SLC15A2: variants seen among roughly 807,000 people sequenced by gnomAD.
SLC15A2 encodes the protein solute carrier family 15 member 2, also known as kidney H(+)/peptide cotransporter.
In SLC15A2, 77 loss-of-function variants were observed where a neutral mutation model predicts 95.5. The observed-to-expected ratio is 0.81, with a 90% CI of 0.67 to 0.97. SLC15A2 has a LOEUF of 0.97. Ranked by LOEUF, SLC15A2 falls within the 50% of genes least tolerant of loss-of-function variation. The pLI is 0.00. For missense variants in SLC15A2, 893 were observed against 874.4 expected, an observed-to-expected ratio of 1.02 and a Z score of -0.27; for synonymous variants, 306 against 306.9, an observed-to-expected ratio of 1.00 and a Z score of 0.03.
intron 20 of SLC15A2, 88 bp downstream of exon 20, chr3:121,939,583 T>A: frequency 8.3e-7 from 1 of 1,199,846 alleles, no homozygotes; most frequent in Non-Finnish European, 1.1e-6. Flanking sequence ...AATAGGTATG[T>A]TATCTCTTTT....
chr3:121,931,055 G>T, intron 18 of SLC15A2, 105 bp downstream of exon 18: 1 of 688,982 alleles, frequency 1.5e-6, no homozygotes, highest in Non-Finnish European at 2.6e-6. Flanking sequence ...GTCTAATTTT[G>T]AGTATAGACG....
intron 3 of SLC15A2, among the ~76,000 whole-genome samples, chr3:121,910,635 C>T (rs975539203): frequency 6.6e-6 from 1 of 152,278 alleles, no homozygotes; most frequent in African/African-American, 2.4e-5. Flanking sequence ...TATCTTTATT[C>T]CATTCTATTC....
At position 121,931,627 on chromosome 3, in the gene SLC15A2, A is replaced by G. The variant is rs1710234339; in HGVS notation, c.1665-12A>G. The G allele has an allele frequency of 1.3e-6, 2 of 1,576,764 alleles. No homozygotes were observed. The highest frequency in any genetic ancestry group is 1.7e-6 in the Non-Finnish European group (2 of 1,146,292). ...TTGATATTTATTCTAACCTAAATTCATCCTGTTCCAGATACCCTGCAGTGC... is the reference window on the plus strand; with the variant it reads ...TTGATATTTATTCTAACCTAAATTCGTCCTGTTCCAGATACCCTGCAGTGC... On this transcript the variant is annotated splice_polypyrimidine_tract_variant and intron_variant, in intron 18 of 21. Transcript: ENST00000489711.
intron 7 of SLC15A2, among the ~76,000 whole-genome samples, chr3:121,920,069 T>C (rs1311139701): frequency 2.2e-4 from 33 of 152,194 alleles, no homozygotes. Flanking sequence ...AAGGAGTAGA[T>C]AGTAGAGAAA....
At chr3:121,930,776 C>A (rs1220917077) in intron 17 of SLC15A2, 64 bp from the exon 18 acceptor site, 5 of 1,034,580 alleles carry the variant, frequency 4.8e-6, no homozygotes, top group South Asian at 1.4e-5. Flanking sequence ...ACATAAAAGG[C>A]CCCTAACCTC....
chr3:121,921,782 G>A (rs1710010058), intron 7 of SLC15A2, among the ~76,000 whole-genome samples: 1 of 152,146 alleles, frequency 6.6e-6, no homozygotes, highest in Non-Finnish European at 1.5e-5. Context: ...AACAAGAGTG[G>A]TAGCAGTAGT....
Position 121,942,774 on chromosome 3 carries a change from T to C in SLC15A2, c.*1767T>C, listed in dbSNP as rs1710485132. 1 of 152,228 alleles carries C rather than the reference T, an allele frequency of 6.6e-6. No homozygotes were observed. Among genetic ancestry groups the C allele is most frequent in the African/African-American group, 2.4e-5 (1 of 41,468 alleles). The allele number at this position is 152,228 out of a possible 1,614,324, so 9.4% of individuals were successfully genotyped here. A position where few individuals can be genotyped will look rare whatever the true frequency, so the allele number is the denominator to read the frequency against. On this transcript the variant is annotated 3_prime_UTR_variant, in exon 22 of 22. Transcript: ENST00000489711. Reference sequence around the variant, plus strand: ...AGTTTGGGAAATGTGGCATACTGTATCCTTTTCTTAACATTTGCATATTAA... The same window carrying C: ...AGTTTGGGAAATGTGGCATACTGTACCCTTTTCTTAACATTTGCATATTAA...
chr3:121,909,290 T>C (rs905339618), intron 3 of SLC15A2, among the ~76,000 whole-genome samples: 2 of 152,138 alleles, frequency 1.3e-5, no homozygotes, highest in East Asian at 3.9e-4. Flanking sequence ...CTTGAACTCC[T>C]GACCTCAAGT....
At chr3:121,922,713 T>C (rs1302286734) in intron 8 of SLC15A2, 62 bp from the exon 9 acceptor site, 17 of 1,223,654 alleles carry the variant, frequency 1.4e-5, no homozygotes, top group Non-Finnish European at 1.9e-5. Context: ...GTATAATAAG[T>C]TGGAAAAGGC....
chr3:121,927,565 C>T (rs929667028), intron 13 of SLC15A2, 193 bp from the exon 14 acceptor site: 1 of 512,384 alleles, frequency 2.0e-6, no homozygotes, highest in Non-Finnish European at 3.5e-6. Context: ...GATGCCAGCA[C>T]TGTGCTTCCT....
chr3:121,925,720 G>A, intron 13 of SLC15A2, among the ~76,000 whole-genome samples: 1 of 93,662 alleles, frequency 1.1e-5, no homozygotes, highest in Admixed American at 1.4e-4. Flanking sequence ...TAGTAAAGGG[G>A]CTAGACTATA....
In SLC15A2 at chr3:121,929,083, G is replaced by C. The variant is rs34589463; in HGVS notation, c.1443G>C (p.Val481=). The C allele has an allele frequency of 3.3e-5, 53 of 1,614,002 alleles. No individual in the cohort carries two copies. Among genetic ancestry groups the C allele is most frequent in the Non-Finnish European group, 4.4e-5 (52 of 1,179,982 alleles). The part of the protein sequence containing the change: ...HNLSLYTEHS[V]QEKNWYSLVI... The stretch of plus-strand genomic sequence containing the variant: ...TGTCTCTCTACACTGAGCATTCTGT[G>C]CAGGAGAAGAACTGGTACAGTCTTG... The change falls in exon 16 of 22, where the codon GTG becomes GTC. Residue 481 remains valine (V), a synonymous_variant. Transcript: ENST00000489711.
intron 5 of SLC15A2, 73 bp downstream of exon 5, chr3:121,913,193 T>C: frequency 8.8e-7 from 1 of 1,139,160 alleles, no homozygotes; most frequent in Non-Finnish European, 1.3e-6. Flanking sequence ...CAGGTAGCCA[T>C]TTGCCAAGAT....
intron 7 of SLC15A2, among the ~76,000 whole-genome samples, chr3:121,919,244 C>T (rs1709958388): frequency 6.6e-6 from 1 of 152,146 alleles, no homozygotes; most frequent in South Asian, 2.1e-4. Context: ...TTCCCGCTGC[C>T]CATAGCTTGG....
chr3:121,913,960 A>ACT (rs139759630), intron 5 of SLC15A2, among the ~76,000 whole-genome samples: 24 of 105,720 alleles, frequency 2.3e-4, no homozygotes, highest in Non-Finnish European at 4.4e-4. Flanking sequence ...ACCTCCCGCC[A>ACT]CTCTCTCTCT....
At chr3:121,921,557 G>A (rs1413659186) in intron 7 of SLC15A2, among the ~76,000 whole-genome samples, 1 of 152,138 alleles carries the variant, frequency 6.6e-6, no homozygotes, top group Non-Finnish European at 1.5e-5. Context: ...CAAGTTACAT[G>A]TGATAAACCT....
chr3:121,922,687 T>C (rs147706014), intron 8 of SLC15A2, 88 bp from the exon 9 acceptor site: 9 of 805,178 alleles, frequency 1.1e-5, no homozygotes, highest in Middle Eastern at 2.3e-4. Flanking sequence ...ACTAGAAGTA[T>C]GGTGTTTGAA....
intron 7 of SLC15A2, among the ~76,000 whole-genome samples, chr3:121,918,570 A>C (rs1709941005): frequency 6.6e-6 from 1 of 152,126 alleles, no homozygotes; most frequent in South Asian, 2.1e-4. Flanking sequence ...GGTTAAAAAA[A>C]AAAGTGGGGT....
At position 121,922,844 on chromosome 3, in the gene SLC15A2, G is replaced by A. The variant is rs767378982; in HGVS notation, c.850G>A (p.Ala284Thr). Residue 284 changes from alanine (A) to threonine (T), a missense_variant, in exon 9 of 22, where the codon GCG becomes ACG. By Grantham distance (58) the Ala-to-Thr change is moderately conservative. Transcript: ENST00000489711. Reference protein sequence around the residue: ...IPKRQHWLDWAAEKYPKQLIM... With the variant: ...IPKRQHWLDWTAEKYPKQLIM... ...AAAGCGACAGCACTGGCTAGACTGG[G>A]CGGCTGAGAAATATCCAGTAAGTTG... 3 of 1,613,804 alleles carry A rather than the reference G, an allele frequency of 1.9e-6. No individual in the cohort carries two copies. The highest frequency in any genetic ancestry group is 4.5e-5 in the East Asian group (2 of 44,872).
Sources: gnomAD v4.1 joint callset for allele counts (sites outside exome capture counted in the v4.1 genomes callset) on GRCh38, gnomAD v4.1.1 for gene constraint, MANE v1.5 for transcripts, NCBI Gene and HGNC (gene_info 2026-07-23, HGNC 2026-07-21) for gene names.